ALK: variants seen among roughly 807,000 people sequenced by gnomAD.
ALK encodes the protein ALK tyrosine kinase receptor.
ALK carries 74 observed loss-of-function variants against 163.1 expected under a neutral mutation model. That is an observed-to-expected ratio of 0.45 (90% CI 0.38 to 0.55). ALK has a LOEUF of 0.55. Ranked by LOEUF, ALK falls within the 20% of genes least tolerant of loss-of-function variation. The probability of loss-of-function intolerance (pLI) is 0.00; values close to 1 mark genes in which losing one functional copy is unlikely to be tolerated. For missense variants in ALK, 2,063 were observed against 2,105.3 expected, an observed-to-expected ratio of 0.98 and a Z score of 0.39; for synonymous variants, 960 against 843.2, an observed-to-expected ratio of 1.14 and a Z score of -2.40.
At chr2:29,694,454 T>C (rs1678493900) in intron 3 of ALK, among the ~76,000 whole-genome samples, 1 of 152,250 alleles carries the variant, frequency 6.6e-6, no homozygotes, top group African/African-American at 2.4e-5. Context: ...AGTTTAAGTG[T>C]GTTCCAACTA....
intron 1 of ALK, 133 bp downstream of exon 1, chr2:29,919,860 G>T: frequency 8.8e-7 from 1 of 1,132,410 alleles, no homozygotes; most frequent in Non-Finnish European, 1.2e-6. Context: ...AAGGAGGTTT[G>T]CGGGAGGAAG....
chr2:29,542,308 T>C (rs1026885935), intron 3 of ALK, among the ~76,000 whole-genome samples: 1 of 152,186 alleles, frequency 6.6e-6, no homozygotes, highest in African/African-American at 2.4e-5. Flanking sequence ...CACATCCATA[T>C]ACTCCTTGAA....
At chr2:29,659,074 G>A (rs1053965001) in intron 3 of ALK, among the ~76,000 whole-genome samples, 1 of 152,068 alleles carries the variant, frequency 6.6e-6, no homozygotes, top group Non-Finnish European at 1.5e-5. Flanking sequence ...TGATGTTAAA[G>A]TCCTAGATTT....
intron 8 of ALK, among the ~76,000 whole-genome samples, chr2:29,302,199 G>A (rs1666390917): frequency 6.6e-6 from 1 of 152,216 alleles, no homozygotes; most frequent in Non-Finnish European, 1.5e-5. Flanking sequence ...ACTGTTCAGA[G>A]CTAGGAACAA....
intron 4 of ALK, among the ~76,000 whole-genome samples, chr2:29,463,852 A>T (rs1158500832): frequency 2.0e-5 from 3 of 152,194 alleles, no homozygotes; most frequent in Non-Finnish European, 4.4e-5. Context: ...ATCAGGCTGA[A>T]CAATTCCTAG....
At position 29,694,900 on chromosome 2, in the gene ALK, A is replaced by T. The variant is rs372244228; in HGVS notation, c.902T>A (p.Met301Lys). 1.2e-6 allele frequency: 2 copies of T among 1,614,098 alleles called. No homozygotes were observed. Among genetic ancestry groups the T allele is most frequent in the East Asian group, 4.5e-5 (2 of 44,860 alleles). The change falls in exon 3 of 29, where the codon ATG becomes AAG. Residue 301 changes from methionine to lysine, a missense_variant. By Grantham distance (95) the Met-to-Lys change is moderately conservative. Coordinates refer to ENST00000389048, the MANE Select transcript of ALK (RefSeq NM_004304.5). ...RRIPSEEASQ[M>K]DLLDGPGAER... ...TGCCCCAGGCCCATCCAGCAAGTCC[A>T]TCTGGGAGGCCTCCTCGGAGGGGAT...
Position 29,320,820 on chromosome 2 carries a change from TGCCTTGG to T in ALK, c.1470_1476del (p.Gln491HisfsTer14). On this transcript the variant is annotated frameshift_variant, in exon 7 of 29. Coordinates refer to ENST00000389048, the MANE Select transcript of ALK (RefSeq NM_004304.5). LOFTEE classifies it high-confidence loss of function. ...CATTGAGGAGTGTGGGGTGACAGTG[TGCCTTGG>T]GTCCAGCCACAGAAGCCATCTTCAA... 1 of 1,614,172 alleles carries T rather than the reference TGCCTTGG, an allele frequency of 6.2e-7. No individual in the cohort carries two copies. The highest frequency in any genetic ancestry group is 8.5e-7 in the Non-Finnish European group (1 of 1,180,020).
intron 4 of ALK, among the ~76,000 whole-genome samples, chr2:29,440,543 C>T (rs1469611021): frequency 6.6e-6 from 1 of 152,082 alleles, no homozygotes; most frequent in East Asian, 1.9e-4. Flanking sequence ...TCTCAAACAC[C>T]CAACCTCAGG....
chr2:29,549,365 T>C (rs1673655912), intron 3 of ALK, among the ~76,000 whole-genome samples: 1 of 152,194 alleles, frequency 6.6e-6, no homozygotes, highest in Non-Finnish European at 1.5e-5. Flanking sequence ...TTGGGTGACC[T>C]TGGAGGAGAA....
chr2:29,629,848 A>G (rs534695027), intron 3 of ALK, among the ~76,000 whole-genome samples: 35 of 152,286 alleles, frequency 2.3e-4, no homozygotes, highest in African/African-American at 8.4e-4. Flanking sequence ...GAGGATTTGA[A>G]TGCAGGTTGG....
intron 13 of ALK, among the ~76,000 whole-genome samples, chr2:29,235,856 CTTTTTTTTTTT>C (rs569363324): frequency 1.3e-3 from 48 of 38,294 alleles, no homozygotes; most frequent in South Asian, 0.01. Context: ...CCAGGCTCGA[CTTTTTTTTTTT>C]TTTTTTTTTT....
At chr2:29,305,393 G>T (rs997910525) in intron 8 of ALK, among the ~76,000 whole-genome samples, 1 of 152,120 alleles carries the variant, frequency 6.6e-6, no homozygotes, top group Non-Finnish European at 1.5e-5. Flanking sequence ...TGCAGATAAG[G>T]TTTTTACCAA....
rs544049905 is a variant in ALK, at chr2:29,214,982, T to C, written c.3646-901A>G. Among the ~76,000 whole-genome samples the C allele has an allele frequency of 1.2e-4, 18 of 152,288 alleles. No homozygotes were observed. The East Asian group carries it at 1.9e-3, about 16-fold the overall frequency. ...GAGTGTTGCGTGGCTGATTGGTTGA[T>C]TATAGCTGCAGGCCAGGATTTACCT... On this transcript the variant is annotated intron_variant, in intron 23 of 28. Coordinates refer to ENST00000389048, the MANE Select transcript of ALK (RefSeq NM_004304.5).
At chr2:29,402,760 G>T (rs1669478801) in intron 4 of ALK, among the ~76,000 whole-genome samples, 1 of 152,072 alleles carries the variant, frequency 6.6e-6, no homozygotes, top group East Asian at 1.9e-4. Context: ...GAATCCTAGG[G>T]CCAGTTCTCC....
intron 3 of ALK, among the ~76,000 whole-genome samples, chr2:29,553,542 T>C (rs1673768690): frequency 6.6e-6 from 1 of 152,228 alleles, no homozygotes; most frequent in African/African-American, 2.4e-5. Flanking sequence ...GAGTTACCTG[T>C]GTCTGTCTCT....
chr2:29,610,511 G>A (rs540847079), intron 3 of ALK, among the ~76,000 whole-genome samples: 38 of 151,886 alleles, frequency 2.5e-4, no homozygotes, highest in African/African-American at 8.9e-4. Context: ...TCTGCTCCAC[G>A]GCTGGCCTGA....
chr2:29,446,919 T>C (rs1397237155), intron 4 of ALK, among the ~76,000 whole-genome samples: 1 of 152,228 alleles, frequency 6.6e-6, no homozygotes, highest in Admixed American at 6.5e-5. Flanking sequence ...TTATGAGCTG[T>C]GTGCTTAATA....
At chr2:29,683,363 T>A (rs1678133811) in intron 3 of ALK, among the ~76,000 whole-genome samples, 1 of 151,656 alleles carries the variant, frequency 6.6e-6, no homozygotes, top group African/African-American at 2.4e-5. Context: ...GGCAACAGAG[T>A]AAGACTCTGT....
At chr2:29,787,187 G>A (rs1025321419) in intron 1 of ALK, among the ~76,000 whole-genome samples, 1 of 152,112 alleles carries the variant, frequency 6.6e-6, no homozygotes, top group Non-Finnish European at 1.5e-5. Flanking sequence ...CATCAGGTTC[G>A]ATCTAACCCA....
Sources: gnomAD v4.1 joint callset for allele counts (sites outside exome capture counted in the v4.1 genomes callset) on GRCh38, gnomAD v4.1.1 for gene constraint, MANE v1.5 for transcripts, NCBI Gene and HGNC (gene_info 2026-07-23, HGNC 2026-07-21) for gene names.